The following SLC28A1 variants were observed in gnomAD, a reference collection of about 807,000 sequenced individuals.
SLC28A1 encodes sodium/nucleoside cotransporter 1.
A neutral mutation model predicts 74.8 loss-of-function variants in SLC28A1; 64 were observed. The ratio of observed to expected loss-of-function variants is 0.86; its 90% confidence interval spans 0.70 to 1.05. The LOEUF (loss-of-function observed/expected upper bound fraction) is 1.05. SLC28A1 is among the 50% of genes least tolerant of loss of function. The pLI is 0.00. For synonymous variants in SLC28A1, 359 were observed against 335.0 expected (o/e 1.07, Z -0.78); for missense variants, 828 against 822.8 (o/e 1.01, Z -0.08).
chr15:84,898,506 G>A (rs1334719586), intron 6 of SLC28A1, among the ~76,000 whole-genome samples: 1 of 151,664 alleles, frequency 6.6e-6, no homozygotes, highest in Admixed American at 6.6e-5. Context: ...GTGAACCCAG[G>A]AGGCAGAGCT....
At chr15:84,887,592 C>A (rs1433893758) in intron 2 of SLC28A1, 153 bp from the exon 3 acceptor site, 3 of 985,206 alleles carry the variant, frequency 3.0e-6, no homozygotes, top group Non-Finnish European at 3.6e-6. Flanking sequence ...GAGGGGTGAG[C>A]TCTGGGATGG....
At chr15:84,912,847 C>A (rs11073802) in intron 9 of SLC28A1, among the ~76,000 whole-genome samples, 23,282 of 130,550 alleles carry the variant, frequency 0.18, 2,024 homozygotes, top group East Asian at 0.32. Context: ...CACACACACA[C>A]AGATCAAATA....
At chr15:84,952,189 G>GC in the SLC28A1 span, among the ~76,000 whole-genome samples, 20 of 152,164 alleles carry the variant, frequency 1.3e-4, no homozygotes, top group Non-Finnish European at 2.2e-4. Context: ...GCCAAACACT[G>GC]CAAATTATGT....
intron 3 of SLC28A1, among the ~76,000 whole-genome samples, chr15:84,888,370 C>T (rs965504820): frequency 3.9e-5 from 6 of 152,048 alleles, no homozygotes; most frequent in Admixed American, 3.9e-4. Context: ...TGGGGTGCTC[C>T]TTTCACGCTG....
At chr15:84,938,122 C>T (rs1332296836) in intron 15 of SLC28A1, among the ~76,000 whole-genome samples, 1 of 151,596 alleles carries the variant, frequency 6.6e-6, no homozygotes, top group East Asian at 1.9e-4. Context: ...CTCTCTTGAA[C>T]CCAGGAGGGG....
intron 10 of SLC28A1, among the ~76,000 whole-genome samples, chr15:84,919,432 A>T (rs1596306131): frequency 6.6e-6 from 1 of 152,238 alleles, no homozygotes; most frequent in East Asian, 1.9e-4. Context: ...ATAACAGAAT[A>T]TCACAGACTG....
rs761062212 is a variant in SLC28A1, at chr15:84,895,002, G to T, written c.340G>T (p.Val114Phe). ...LDFQRALALF[V>F]LTCVVLTFLG... ...TTTCCAGAGGGCCCTGGCTCTGTTT[G>T]TCCTCACCTGTGTGGTCCTCACCTT... is the stretch of plus-strand genomic sequence containing the variant. Residue 114 changes from valine to phenylalanine, a missense_variant, in exon 6 of 19, where the codon GTC becomes TTC. Val to Phe is a conservative substitution (Grantham distance 50). Around this residue, in one of 3 missense-constraint regions of SLC28A1, gnomAD observed 767 missense variants for 753.5 expected, o/e 1.02. Coordinates refer to ENST00000394573, the MANE Select transcript of SLC28A1 (RefSeq NM_004213.5). The T allele has an allele frequency of 5.0e-6, 8 of 1,614,086 alleles. No individual in the cohort carries two copies. The South Asian group carries it at 7.7e-5, about 16-fold the overall frequency.
chr15:84,957,019 G>C, the SLC28A1 span, among the ~76,000 whole-genome samples: 1 of 151,468 alleles, frequency 6.6e-6, no homozygotes, highest in African/African-American at 2.4e-5. Flanking sequence ...TGTTTTTGTT[G>C]CTTAGATTTC....
chr15:84,885,727 G>A (rs1257324402), intron 1 of SLC28A1, among the ~76,000 whole-genome samples: 4 of 98,446 alleles, frequency 4.1e-5, no homozygotes, highest in African/African-American at 4.4e-5. Flanking sequence ...GTGAAACTCC[G>A]TCTCAAAAAA....
chr15:84,975,063 T>C, the SLC28A1 span, among the ~76,000 whole-genome samples: 5 of 152,204 alleles, frequency 3.3e-5, no homozygotes, highest in South Asian at 2.1e-4. Flanking sequence ...GTTAAGTAGA[T>C]AGAGGAAGAA....
downstream of SLC28A1, among the ~76,000 whole-genome samples, chr15:84,948,684 T>G (rs1304812888): frequency 6.6e-6 from 1 of 152,192 alleles, no homozygotes; most frequent in African/African-American, 2.4e-5. Flanking sequence ...AAATCCCCTC[T>G]AACCTAAACT....
At chr15:84,956,468 CTTCTTTCT>C in the SLC28A1 span, among the ~76,000 whole-genome samples, 17 of 67,126 alleles carry the variant, frequency 2.5e-4, no homozygotes, top group East Asian at 9.6e-3. Context: ...TCTTTCTTTC[CTTCTTTCT>C]TTCTTTCTTT....
Position 84,904,243 on chromosome 15 carries a change from G to A in SLC28A1, c.603+5G>A. 6.2e-7 allele frequency: 1 copy of A among 1,613,700 alleles called. No homozygotes were observed. The highest frequency in any genetic ancestry group is 1.1e-5 in the South Asian group (1 of 91,086). Reference sequence around the variant, plus strand: ...TGCTCAAAGCATCATTGCGCAGTGAGTGCTAGTTGTGGGGCCCAGGGCTGG... The same window carrying A: ...TGCTCAAAGCATCATTGCGCAGTGAATGCTAGTTGTGGGGCCCAGGGCTGG... On this transcript the variant is annotated splice_donor_5th_base_variant and intron_variant, in intron 7 of 18. Coordinates refer to ENST00000394573, the MANE Select transcript of SLC28A1 (RefSeq NM_004213.5).
chr15:84,929,339 G>T (rs921032759), intron 12 of SLC28A1, among the ~76,000 whole-genome samples: 1 of 151,922 alleles, frequency 6.6e-6, no homozygotes, highest in Non-Finnish European at 1.5e-5. Context: ...GAGGTCAGGA[G>T]TTCAAGACCA....
intron 6 of SLC28A1, chr15:84,895,637 A>G: frequency 6.9e-7 from 1 of 1,445,624 alleles, no homozygotes; most frequent in African/African-American, 1.4e-5. Flanking sequence ...GTCACAGGGC[A>G]GGAGAGGGAG....
chr15:84,912,010 G>A (rs765171973), intron 9 of SLC28A1, among the ~76,000 whole-genome samples: 4 of 152,204 alleles, frequency 2.6e-5, no homozygotes, highest in Non-Finnish European at 4.4e-5. Flanking sequence ...CGAAACACCA[G>A]CAGTTTCCTG....
Position 84,945,107 on chromosome 15 carries a change from T to C in SLC28A1, c.1875-18T>C. On this transcript the variant is annotated intron_variant, in intron 18 of 18. Coordinates refer to ENST00000394573, the MANE Select transcript of SLC28A1 (RefSeq NM_004213.5). ...ACCAGGCCTGGAGCTCCCACTGCGA[T>C]CTTTGCTTTCTTTTTAGCGTCAATC... The C allele has an allele frequency of 6.2e-7, 1 of 1,613,500 alleles. No homozygotes were observed. The highest frequency in any genetic ancestry group is 8.5e-7 in the Non-Finnish European group (1 of 1,179,494).
At chr15:84,900,950 G>A (rs1966621884) in intron 6 of SLC28A1, among the ~76,000 whole-genome samples, 1 of 152,020 alleles carries the variant, frequency 6.6e-6, no homozygotes, top group South Asian at 2.1e-4. Flanking sequence ...TAGGCCAGGT[G>A]TGGTGGCTCA....
intron 5 of SLC28A1, among the ~76,000 whole-genome samples, chr15:84,891,291 T>G (rs1965342766): frequency 6.6e-6 from 1 of 152,056 alleles, no homozygotes; most frequent in Non-Finnish European, 1.5e-5. Context: ...TGGGAAGCAA[T>G]GCTAGCTGTA....
Sources: allele counts gnomAD v4.1 joint callset (sites outside exome capture counted in the v4.1 genomes callset), GRCh38; gene constraint gnomAD v4.1.1; regional missense constraint gnomAD v4.1.1; transcripts MANE v1.5; gene names NCBI Gene and HGNC (gene_info 2026-07-23, HGNC 2026-07-21).